Variants in AP3B1 observed in about 807,000 individuals in gnomAD.
AP3B1 encodes AP-3 complex subunit beta-1.
In AP3B1, 61 loss-of-function variants were observed where a neutral mutation model predicts 132.5. That is an observed-to-expected ratio of 0.46 (90% CI 0.37 to 0.57). The LOEUF (loss-of-function observed/expected upper bound fraction) is 0.57. AP3B1 is among the 20% of genes least tolerant of loss of function. AP3B1 has a pLI of 0.00. For missense variants in AP3B1, 1,120 were observed against 1,289.4 expected (o/e 0.87, Z 2.01); for synonymous variants, 388 against 438.3 (o/e 0.89, Z 1.43).
chr5:78,272,066 C>T (rs1748568361), intron 1 of AP3B1, among the ~76,000 whole-genome samples: 2 of 152,202 alleles, frequency 1.3e-5, no homozygotes, highest in Admixed American at 1.3e-4. Flanking sequence ...ACCTAAGAGA[C>T]TTCATAAGAA....
At chr5:78,191,552 C>T (rs1744835477) in intron 7 of AP3B1, among the ~76,000 whole-genome samples, 1 of 151,966 alleles carries the variant, frequency 6.6e-6, no homozygotes, top group Non-Finnish European at 1.5e-5. Context: ...TGGGGAGTAA[C>T]GATGGTCAGA....
chr5:78,213,752 G>A (rs1745847913), intron 7 of AP3B1, among the ~76,000 whole-genome samples: 2 of 152,030 alleles, frequency 1.3e-5, no homozygotes, highest in Admixed American at 6.6e-5. Context: ...TCAACCAAGA[G>A]GTTACGAGAA....
At chr5:78,278,796 G>A (rs1467664920) in intron 1 of AP3B1, among the ~76,000 whole-genome samples, 4 of 152,044 alleles carry the variant, frequency 2.6e-5, no homozygotes, top group African/African-American at 7.2e-5. Flanking sequence ...TCCGCCTCCT[G>A]TCAGATCAGT....
In AP3B1 at chr5:78,225,408, A is replaced by G. The variant is rs1030727138; in HGVS notation, c.603+134T>C. On this transcript the variant is annotated intron_variant, in intron 6 of 26. Transcript: ENST00000255194. The stretch of plus-strand genomic sequence containing the variant: ...ACATGAAAATTTTTGTTCTTTAAAA[A>G]TAGTCCTGTGTGCCATTAATATTTA... 6.2e-6 allele frequency: 3 copies of G among 480,404 alleles called. No individual in the cohort carries two copies. The East Asian group carries it at 1.0e-4, about 16-fold the overall frequency. 29.8% of individuals were successfully genotyped at this position (480,404 alleles called of 1,614,324 possible).
rs929889468 is a variant in AP3B1, at chr5:78,294,648, G to T, written c.-69C>A. The T allele has an allele frequency of 2.5e-6, 4 of 1,609,330 alleles. No homozygotes were observed. In the South Asian group the frequency reaches 3.3e-5, roughly 13 times the overall value. On this transcript the variant is annotated 5_prime_UTR_variant, in exon 1 of 27. Coordinates refer to ENST00000255194, the MANE Select transcript of AP3B1 (RefSeq NM_003664.5). The stretch of plus-strand genomic sequence containing the variant: ...CTCTCCAAAAGGTTCCAGTCCAGAG[G>T]GCACGGAACAAAACTAGTTCTCGTA...
intron 2 of AP3B1, among the ~76,000 whole-genome samples, chr5:78,252,278 C>T (rs567170009): frequency 1.2e-4 from 18 of 152,156 alleles, no homozygotes; most frequent in South Asian, 1.0e-3. Context: ...GGCTATGGGG[C>T]AAAACTCCTG....
intron 1 of AP3B1, among the ~76,000 whole-genome samples, chr5:78,272,606 T>C (rs533204852): frequency 7.2e-5 from 11 of 151,904 alleles, no homozygotes; most frequent in African/African-American, 2.7e-4. Flanking sequence ...ACAAACATAA[T>C]AAATAAGACA....
At chr5:78,245,614 C>T (rs1747347629) in intron 2 of AP3B1, among the ~76,000 whole-genome samples, 1 of 152,142 alleles carries the variant, frequency 6.6e-6, no homozygotes, top group African/African-American at 2.4e-5. Context: ...CTCTTAGACT[C>T]CTTGAACCTC....
At chr5:78,267,350 C>G (rs879404598) in intron 2 of AP3B1, among the ~76,000 whole-genome samples, 170 bp downstream of exon 2, 2 of 151,942 alleles carry the variant, frequency 1.3e-5, no homozygotes, top group Middle Eastern at 3.4e-3. Context: ...TTTGACACTT[C>G]AATAATGTAC....
intron 14 of AP3B1, among the ~76,000 whole-genome samples, chr5:78,147,006 T>A (rs563762702): frequency 1.3e-5 from 2 of 151,998 alleles, no homozygotes; most frequent in East Asian, 3.8e-4. Context: ...TCAAGAGATA[T>A]AAGGTTTTAG....
chr5:78,244,970 G>C (rs1034478825), intron 2 of AP3B1, among the ~76,000 whole-genome samples: 3 of 151,976 alleles, frequency 2.0e-5, no homozygotes, highest in East Asian at 1.9e-4. Flanking sequence ...ACTCCAGCGT[G>C]GTGACAGAGC....
chr5:78,154,763 T>C (rs777079247), intron 14 of AP3B1, among the ~76,000 whole-genome samples: 6 of 152,210 alleles, frequency 3.9e-5, no homozygotes, highest in Admixed American at 1.3e-4. Context: ...AGTATATCAA[T>C]TGCATTTTTC....
chr5:78,002,654 C>A lies in AP3B1; in HGVS notation c.*248G>T, dbSNP rs544830395. On this transcript the variant is annotated 3_prime_UTR_variant, in exon 27 of 27. Transcript: ENST00000255194. ...AAGCAGCAGGACAGAGAAAACGCCA[C>A]ATGGATTCAAGAGTTGAGACAACTG... 3.3e-6 allele frequency: 2 copies of A among 604,084 alleles called. No individual in the cohort carries two copies. The highest frequency in any genetic ancestry group is 5.9e-6 in the Non-Finnish European group (2 of 341,040). 37.4% of individuals were successfully genotyped at this position (604,084 alleles called of 1,614,324 possible).
chr5:78,053,912 G>T (rs252794), intron 22 of AP3B1, among the ~76,000 whole-genome samples: 1 of 151,972 alleles, frequency 6.6e-6, no homozygotes, highest in Non-Finnish European at 1.5e-5. Context: ...AGTGAGGTGT[G>T]GTGGGAAACA....
chr5:78,108,244 T>C (rs1394940267), intron 20 of AP3B1, among the ~76,000 whole-genome samples: 4 of 152,226 alleles, frequency 2.6e-5, no homozygotes, highest in Non-Finnish European at 5.9e-5. Flanking sequence ...TCATGCTAAA[T>C]TAAAGTAAAG....
chr5:78,117,172 C>CT (rs70997968), intron 17 of AP3B1, among the ~76,000 whole-genome samples: 31,805 of 122,078 alleles, frequency 0.26, 4,919 homozygotes, highest in Admixed American at 0.37. Flanking sequence ...TCCCCACCAC[C>CT]TTTTTTTTTT....
At chr5:78,193,770 A>ATATATATATTTTT in intron 7 of AP3B1, among the ~76,000 whole-genome samples, 6 of 67,218 alleles carry the variant, frequency 8.9e-5, no homozygotes, top group Non-Finnish European at 1.3e-4. Context: ...ATATATATAT[A>ATATATATATTTTT]TTTTTTTTTT....
At chr5:78,175,885 C>T (rs1744128405) in intron 9 of AP3B1, 47 bp from the exon 10 acceptor site, 2 of 1,366,704 alleles carry the variant, frequency 1.5e-6, no homozygotes, top group East Asian at 2.3e-5. Flanking sequence ...TCCAATGAAA[C>T]ATCTTTGAGT....
intron 7 of AP3B1, among the ~76,000 whole-genome samples, chr5:78,190,816 C>A (rs1744796000): frequency 6.6e-6 from 1 of 152,174 alleles, no homozygotes; most frequent in Non-Finnish European, 1.5e-5. Context: ...AAGAAACTTT[C>A]TTTCTAGAAG....
Sources: allele counts gnomAD v4.1 joint callset (sites outside exome capture counted in the v4.1 genomes callset), GRCh38; gene constraint gnomAD v4.1.1; transcripts MANE v1.5; gene names NCBI Gene and HGNC (gene_info 2026-07-23, HGNC 2026-07-21).